Variants in TESC observed in about 807,000 individuals in gnomAD.
TESC encodes tescalcin.
In TESC, 19 loss-of-function variants were observed where a neutral mutation model predicts 31.0. The ratio of observed to expected loss-of-function variants is 0.61; its 90% CI spans 0.43 to 0.90. TESC has a LOEUF of 0.90. Among genes scored for constraint, TESC ranks in the 40% least tolerant of loss-of-function variants. TESC has a pLI of 0.00. For missense variants in TESC, 248 were observed against 303.8 expected (o/e 0.82, Z 1.36); for synonymous variants, 109 against 114.8 (o/e 0.95, Z 0.32).
chr12:117,071,065 C>G (rs530122199), intron 2 of TESC, among the ~76,000 whole-genome samples: 21 of 152,230 alleles, frequency 1.4e-4, no homozygotes, highest in Non-Finnish European at 2.2e-4. Context: ...GCTGTTTCTA[C>G]GTGCCAAGAC....
intron 1 of TESC, among the ~76,000 whole-genome samples, chr12:117,091,021 C>T (rs904458089): frequency 6.6e-6 from 1 of 152,206 alleles, no homozygotes; most frequent in African/African-American, 2.4e-5. Flanking sequence ...GGAGCAGTGC[C>T]AAGAACGGAA....
At chr12:117,064,638 T>TA (rs1379168153) in intron 2 of TESC, among the ~76,000 whole-genome samples, 1 of 152,062 alleles carries the variant, frequency 6.6e-6, no homozygotes, top group African/African-American at 2.4e-5. Flanking sequence ...AGATGGGAAA[T>TA]AGAGTATCTC....
At chr12:117,049,209 G>T (rs2135752646) in intron 3 of TESC, 51 bp from the exon 4 acceptor site, 1 of 1,611,476 alleles carries the variant, frequency 6.2e-7, no homozygotes, top group East Asian at 2.2e-5. Context: ...ACTGGATCTT[G>T]TCCTCTTGCT....
intron 3 of TESC, among the ~76,000 whole-genome samples, chr12:117,053,418 G>A (rs138542682): frequency 1.8e-4 from 27 of 152,282 alleles, no homozygotes; most frequent in Non-Finnish European, 3.8e-4. Flanking sequence ...CCCAAGAGCC[G>A]AAAACACAAC....
intron 2 of TESC, among the ~76,000 whole-genome samples, chr12:117,067,711 G>A (rs1954906986): frequency 6.6e-6 from 1 of 152,210 alleles, no homozygotes; most frequent in Non-Finnish European, 1.5e-5. Context: ...AGCCAGCTTT[G>A]CTTTTGAACT....
intron 6 of TESC, 137 bp downstream of exon 6, chr12:117,046,422 G>A (rs759190001): frequency 2.6e-5 from 21 of 802,608 alleles, no homozygotes; most frequent in Non-Finnish European, 3.8e-5. Flanking sequence ...GGCTGGGAGA[G>A]GTTCCTGAGC....
intron 7 of TESC, among the ~76,000 whole-genome samples, chr12:117,039,568 T>TTCCATGAGTATGATGTGGGAC (rs141603079): frequency 0.08 from 12,150 of 152,104 alleles, 1,236 homozygotes; most frequent in African/African-American, 0.24. Context: ...TAAGTCCCCT[T>TTCCATGAGTATGATGTGGGAC]CCCCAACCTG....
intron 2 of TESC, 69 bp from the exon 3 acceptor site, chr12:117,056,955 C>T (rs2135760922): frequency 1.3e-6 from 2 of 1,505,678 alleles, no homozygotes; most frequent in East Asian, 2.3e-5. Context: ...CTGGCATTTT[C>T]ATCCTGTATC....
chr12:117,065,852 A>T (rs1339421428), intron 2 of TESC, among the ~76,000 whole-genome samples: 6 of 152,174 alleles, frequency 3.9e-5, no homozygotes, highest in Non-Finnish European at 5.9e-5. Context: ...ACCACACTTC[A>T]GCTTGGGCAA....
intron 2 of TESC, among the ~76,000 whole-genome samples, chr12:117,062,280 G>A (rs1455203254): frequency 6.6e-6 from 1 of 151,692 alleles, no homozygotes; most frequent in Non-Finnish European, 1.5e-5. Flanking sequence ...GGAGCACAGT[G>A]GCGTGATCTC....
At chr12:117,091,832 C>T (rs1347528841) in intron 1 of TESC, among the ~76,000 whole-genome samples, 5 of 152,212 alleles carry the variant, frequency 3.3e-5, no homozygotes, top group African/African-American at 1.2e-4. Flanking sequence ...ACTTGGTAAA[C>T]AATGTGTGGA....
intron 1 of TESC, among the ~76,000 whole-genome samples, 176 bp downstream of exon 1, chr12:117,099,049 C>A (rs1269482566): frequency 6.6e-6 from 1 of 152,138 alleles, no homozygotes. Context: ...CGGAGCTCCT[C>A]GCCGCAGCCC....
rs541591077 is a variant in TESC, at chr12:117,071,739, T to G, written c.128+3532A>C. Among the ~76,000 whole-genome samples, 3 of 152,164 alleles carry G rather than the reference T, an allele frequency of 2.0e-5. No individual in the cohort carries two copies. In the South Asian group the frequency reaches 6.2e-4, roughly 32 times the overall value. ...GGGGTGGCAGGGCAGGACCAACGGC[T>G]CACATTTCTAAGCTGAGCCTGGGCA... On this transcript the variant is annotated intron_variant, in intron 2 of 7. Transcript: ENST00000335209.
intron 2 of TESC, among the ~76,000 whole-genome samples, chr12:117,069,995 C>T (rs531792969): frequency 3.6e-4 from 55 of 152,308 alleles, no homozygotes; most frequent in African/African-American, 1.2e-3. Context: ...TCTCCCCCAT[C>T]GCAGATTGTA....
chr12:117,075,241 C>G, intron 2 of TESC, 30 bp downstream of exon 2: 1 of 1,611,118 alleles, frequency 6.2e-7, no homozygotes, highest in African/African-American at 1.3e-5. Context: ...CATGGCCCCA[C>G]CCAGCACCCA....
chr12:117,074,360 C>T (rs1397590883), intron 2 of TESC, among the ~76,000 whole-genome samples: 1 of 151,748 alleles, frequency 6.6e-6, no homozygotes, highest in Non-Finnish European at 1.5e-5. Context: ...GGAGTGAGAC[C>T]GTGTCTCAAA....
chr12:117,072,037 G>T (rs1473802642), intron 2 of TESC, among the ~76,000 whole-genome samples: 1 of 152,154 alleles, frequency 6.6e-6, no homozygotes, highest in Non-Finnish European at 1.5e-5. Flanking sequence ...TGCCATTTTA[G>T]TACGTCCCAT....
chr12:117,056,095 AT>A (rs957482073), intron 3 of TESC, among the ~76,000 whole-genome samples: 5 of 151,870 alleles, frequency 3.3e-5, no homozygotes, highest in African/African-American at 1.2e-4. Context: ...TAATTTTTGT[AT>A]TTTTAGCAGA....
At chr12:117,046,354 CCCTG>C in intron 6 of TESC, 5 of 593,124 alleles carry the variant, frequency 8.4e-6, no homozygotes, top group Non-Finnish European at 1.2e-5. Context: ...AACTCTGCTT[CCCTG>C]CCTTATGCAG....
Sources: gnomAD v4.1 joint callset for allele counts (sites outside exome capture counted in the v4.1 genomes callset) on GRCh38, gnomAD v4.1.1 for gene constraint, MANE v1.5 for transcripts, NCBI Gene and HGNC (gene_info 2026-07-23, HGNC 2026-07-21) for gene names.